EPHA10: variants seen among roughly 807,000 people sequenced by gnomAD.
EPHA10 encodes ephrin type-A receptor 10.
In EPHA10, 120 loss-of-function variants were observed where a neutral mutation model predicts 109.7. The ratio of observed to expected loss-of-function variants is 1.09; its 90% CI spans 0.94 to 1.27. EPHA10 has a LOEUF of 1.27. EPHA10 is among the 50% of genes most tolerant of loss of function. The pLI, the probability that EPHA10 is intolerant of heterozygous loss-of-function variation, is 0.00. For missense variants in EPHA10, 1,396 were observed against 1,411.1 expected (o/e 0.99, Z 0.17); for synonymous variants, 640 against 618.9 (o/e 1.03, Z -0.51).
chr1:37,718,316 C>A lies in EPHA10; in HGVS notation c.*56G>T. 6.9e-7 allele frequency: 1 copy of A among 1,449,132 alleles called. No individual in the cohort carries two copies. Among genetic ancestry groups the A allele is most frequent in the Non-Finnish European group, 9.4e-7 (1 of 1,059,810 alleles). The allele number at this position is 1,449,132 out of a possible 1,614,324, so 89.8% of individuals were successfully genotyped here. On this transcript the variant is annotated 3_prime_UTR_variant, in exon 17 of 17. Transcript: ENST00000373048. The stretch of plus-strand genomic sequence containing the variant: ...AGCGCAGCTTGCCACGGTCCTTGGG[C>A]AGGGCTGGGGGACTGGACCCCCACC...
At chr1:37,750,245 C>G (rs111956467) in intron 5 of EPHA10, among the ~76,000 whole-genome samples, 1 of 151,942 alleles carries the variant, frequency 6.6e-6, no homozygotes, top group African/African-American at 2.4e-5. Flanking sequence ...GATTCACACT[C>G]GTATGTGAGA....
At position 37,718,646 on chromosome 1, in the gene EPHA10, G is replaced by C. The variant is rs1006026646; in HGVS notation, c.2912+15C>G. On this transcript the variant is annotated intron_variant, in intron 16 of 16. Transcript: ENST00000373048. ...TCCCCCAGCCCCGGCCTTGACCTTG[G>C]TGCCTTGGACTCACTGGGCAGTCAT... 3 of 1,613,144 alleles carry C rather than the reference G, an allele frequency of 1.9e-6. No individual in the cohort carries two copies. The highest frequency in any genetic ancestry group is 1.7e-6 in the Non-Finnish European group (2 of 1,180,032).
At position 37,761,953 on chromosome 1, in the gene EPHA10, A is replaced by G; in HGVS notation, c.302T>C (p.Ile101Thr). ...GAGTGTGAACTGCAGTTCCACGAAGATGCGCTGCCCGCGGCCACGGCTTAT... is the reference window on the plus strand; with the variant it reads ...GAGTGTGAACTGCAGTTCCACGAAGGTGCGCTGCCCGCGGCCACGGCTTAT... ...GWISRGRGQRIFVELQFTLRD... is the reference protein window; with the variant it reads ...GWISRGRGQRTFVELQFTLRD... The change falls in exon 3 of 17, where the codon ATC (isoleucine) becomes ACC (threonine). Residue 101 changes from isoleucine to threonine, a missense_variant. By Grantham distance (89) the Ile-to-Thr change is moderately conservative (BLOSUM62 -1). Coordinates refer to ENST00000373048, the MANE Select transcript of EPHA10 (RefSeq NM_001099439.2). 6.2e-7 allele frequency: 1 copy of G among 1,614,142 alleles called. No individual in the cohort carries two copies. Among genetic ancestry groups the G allele is most frequent in the Non-Finnish European group, 8.5e-7 (1 of 1,180,024 alleles).
chr1:37,725,240 C>T (rs1645868623), intron 8 of EPHA10, among the ~76,000 whole-genome samples: 1 of 152,094 alleles, frequency 6.6e-6, no homozygotes, highest in Non-Finnish European at 1.5e-5. Context: ...CATGGTGGCT[C>T]ATACCTGTAA....
intron 6 of EPHA10, among the ~76,000 whole-genome samples, chr1:37,734,377 T>C (rs1646035341): frequency 6.6e-6 from 1 of 151,862 alleles, no homozygotes; most frequent in South Asian, 2.1e-4. Context: ...CTACTAAAAA[T>C]ACAAAAATGA....
At chr1:37,742,316 G>C (rs999734554) in intron 5 of EPHA10, among the ~76,000 whole-genome samples, 1 of 152,112 alleles carries the variant, frequency 6.6e-6, no homozygotes, top group Non-Finnish European at 1.5e-5. Flanking sequence ...AGGTGACTTG[G>C]GTAACTTCTG....
chr1:37,741,103 G>A (rs1452701475), intron 5 of EPHA10, among the ~76,000 whole-genome samples: 2 of 152,134 alleles, frequency 1.3e-5, no homozygotes, highest in Non-Finnish European at 2.9e-5. Flanking sequence ...CCACAAGCAA[G>A]TGATCTTACT....
rs1645693883 is a variant in EPHA10, at chr1:37,716,541, G to A, written c.*1831C>T. ...TCACTGAGCTGGGGCAGGTGCTCAGGAGACAGGGAGGCAGGGGGCTGGGGG... is the reference window on the plus strand; with the variant it reads ...TCACTGAGCTGGGGCAGGTGCTCAGAAGACAGGGAGGCAGGGGGCTGGGGG... On this transcript the variant is annotated 3_prime_UTR_variant, in exon 17 of 17. Transcript: ENST00000373048. The A allele has an allele frequency of 4.4e-6, 1 of 227,990 alleles. No individual in the cohort carries two copies. The highest frequency in any genetic ancestry group is 6.1e-5 in the East Asian group (1 of 16,464). The allele number at this position is 227,990 out of a possible 1,614,324, so 14.1% of individuals were successfully genotyped here. A position where few individuals can be genotyped will look rare whatever the true frequency, so the allele number is the denominator to read the frequency against.
At chr1:37,759,795 TA>T (rs34020481) in intron 3 of EPHA10, among the ~76,000 whole-genome samples, 119 of 146,428 alleles carry the variant, frequency 8.1e-4, no homozygotes, top group African/African-American at 1.2e-3. Context: ...CCCCCATTTC[TA>T]AAAAAAAAAA....
At chr1:37,719,298 G>A (rs1206570803) in intron 15 of EPHA10, 116 bp downstream of exon 15, 5 of 1,229,784 alleles carry the variant, frequency 4.1e-6, no homozygotes, top group East Asian at 2.5e-5. Context: ...GGGCAATGGG[G>A]TGAACAATTG....
At chr1:37,762,744 C>G (rs1646444068) in intron 2 of EPHA10, 41 bp downstream of exon 2, 3 of 1,523,950 alleles carry the variant, frequency 2.0e-6, no homozygotes, top group Non-Finnish European at 2.7e-6. Flanking sequence ...CCTGGACCAC[C>G]AGAGGATCCC....
rs115744230 is a variant in EPHA10, at chr1:37,729,480, G to A, written c.1663+1931C>T. ...CTCACACCTGTAATCCTAACACTTT[G>A]GGAGGCCAAGACAGGAGAATTGCTT... On this transcript the variant is annotated intron_variant, in intron 7 of 16. Transcript: ENST00000373048. 5.3e-3 allele frequency among the ~76,000 whole-genome samples: 808 copies of A among 152,296 alleles called. 6 individuals carry two copies. The highest frequency in any genetic ancestry group is 0.018 in the African/African-American group (749 of 41,554).
In EPHA10 at chr1:37,735,380, C is replaced by T; in HGVS notation, c.1368G>A (p.Glu456=). ...CTCGGTCCCTGCGGATCTCATCCTC[C>T]TCCCAGGGCGCTGAAAGTAAGTTAC... ...TVSTGPGAPW[E]EDEIRRDRVE... is the part of the protein sequence containing the mutation. Residue 456 remains glutamate, a synonymous_variant, in exon 6 of 17, where the codon GAG becomes GAA. Coordinates refer to ENST00000373048, the MANE Select transcript of EPHA10 (RefSeq NM_001099439.2). 9 of 1,581,338 alleles carry T rather than the reference C, an allele frequency of 5.7e-6. No homozygotes were observed. The highest frequency in any genetic ancestry group is 7.7e-6 in the Non-Finnish European group (9 of 1,163,618).
chr1:37,714,254 C>T (rs1030665024), downstream of EPHA10, among the ~76,000 whole-genome samples: 5 of 152,220 alleles, frequency 3.3e-5, no homozygotes, highest in African/African-American at 1.2e-4. Context: ...GCCTAAAGAA[C>T]ATGAATGGCC....
chr1:37,721,853 G>C lies in EPHA10; in HGVS notation c.1961-8C>G, dbSNP rs750885651. On this transcript the variant is annotated splice_polypyrimidine_tract_variant and splice_region_variant and intron_variant, in intron 10 of 16. Coordinates refer to ENST00000373048, the MANE Select transcript of EPHA10 (RefSeq NM_001099439.2). Reference sequence around the variant, plus strand: ...ACAGCTCCCCAAACCGCCCTGTGGGGAAACAGCACCTCAGATACCGCCAGA... The same window carrying C: ...ACAGCTCCCCAAACCGCCCTGTGGGCAAACAGCACCTCAGATACCGCCAGA... The C allele has an allele frequency of 1.3e-6, 2 of 1,565,610 alleles. No homozygotes were observed. Among genetic ancestry groups the C allele is most frequent in the Non-Finnish European group, 1.7e-6 (2 of 1,152,386 alleles).
At chr1:37,757,988 C>A (rs1033491649) in intron 3 of EPHA10, among the ~76,000 whole-genome samples, 7 of 152,194 alleles carry the variant, frequency 4.6e-5, no homozygotes, top group African/African-American at 1.7e-4. Flanking sequence ...CTGTTGAAGG[C>A]CAGCCCCTCT....
intron 12 of EPHA10, 49 bp downstream of exon 12, chr1:37,720,734 G>A (rs1645778473): frequency 1.9e-6 from 3 of 1,604,408 alleles, no homozygotes; most frequent in East Asian, 4.5e-5. Context: ...AGGGACCCCT[G>A]CCCGCTTTAC....
chr1:37,743,708 T>A (rs1251942518), intron 5 of EPHA10, among the ~76,000 whole-genome samples: 1 of 152,190 alleles, frequency 6.6e-6, no homozygotes, highest in African/African-American at 2.4e-5. Context: ...GTAAAATAGG[T>A]GATTTCGCCC....
In EPHA10 at chr1:37,722,982, G is replaced by T. The variant is rs1352054731; in HGVS notation, c.1960+59C>A. The T allele has an allele frequency of 1.1e-5, 18 of 1,612,246 alleles. No individual in the cohort carries two copies. In the Admixed American group the frequency reaches 2.8e-4, roughly 25 times the overall value. On this transcript the variant is annotated intron_variant, in intron 10 of 16. Transcript: ENST00000373048. Reference sequence around the variant, plus strand: ...GAGGTGTGGACAGAGTAGGGGCGGGGCCTATAGAGTGGGTGAGGCTTCCAG... The same window carrying T: ...GAGGTGTGGACAGAGTAGGGGCGGGTCCTATAGAGTGGGTGAGGCTTCCAG...
Sources: allele counts gnomAD v4.1 joint callset (sites outside exome capture counted in the v4.1 genomes callset), GRCh38; gene constraint gnomAD v4.1.1; transcripts MANE v1.5; gene names NCBI Gene and HGNC (gene_info 2026-07-23, HGNC 2026-07-21).